ELAVL2: variants seen among roughly 807,000 people sequenced by gnomAD.
The protein encoded by ELAVL2 is ELAV like RNA binding protein 2.
In ELAVL2, 4 loss-of-function variants were observed where a neutral mutation model predicts 34.6. The ratio of observed to expected loss-of-function variants is 0.12; its 90% CI spans 0.06 to 0.26. The LOEUF (loss-of-function observed/expected upper bound fraction) is 0.26. ELAVL2 is among the 10% of genes least tolerant of loss of function. The pLI, the probability that ELAVL2 is intolerant of heterozygous loss-of-function variation, is 1.00. For missense variants in ELAVL2, 432 were observed against 442.8 expected, an observed-to-expected ratio of 0.98 and a Z score of 0.22; for synonymous variants, 193 against 154.8, an observed-to-expected ratio of 1.25 and a Z score of -1.83.
chr9:23,787,460 A>C (rs200636718), intron 1 of ELAVL2, among the ~76,000 whole-genome samples: 14 of 151,756 alleles, frequency 9.2e-5, no homozygotes, highest in South Asian at 8.4e-4. Flanking sequence ...TCGAACTCCT[A>C]ACCTCAGGTG....
At chr9:23,802,540 T>C (rs570524007) in intron 1 of ELAVL2, among the ~76,000 whole-genome samples, 45 of 152,262 alleles carry the variant, frequency 3.0e-4, no homozygotes, top group African/African-American at 1.1e-3. Flanking sequence ...CTCCCTACAA[T>C]ACAGATTCCA....
chr9:23,738,125 T>C (rs567792519), intron 2 of ELAVL2, among the ~76,000 whole-genome samples: 1 of 152,350 alleles, frequency 6.6e-6, no homozygotes, highest in African/African-American at 2.4e-5. Context: ...TCAGACAGGC[T>C]GTGCACTGCA....
At chr9:23,783,593 A>C in intron 1 of ELAVL2, 2 of 696,816 alleles carry the variant, frequency 2.9e-6, no homozygotes, top group Non-Finnish European at 3.5e-6. Context: ...CTCAAATATC[A>C]ACACATTTGA....
chr9:23,739,731 C>T (rs1318539067), intron 2 of ELAVL2, among the ~76,000 whole-genome samples: 1 of 152,000 alleles, frequency 6.6e-6, no homozygotes, highest in Non-Finnish European at 1.5e-5. Flanking sequence ...TCTGCTGTTG[C>T]TTGTGCGACC....
At chr9:23,732,562 A>G (rs955843565) in intron 2 of ELAVL2, among the ~76,000 whole-genome samples, 2 of 152,230 alleles carry the variant, frequency 1.3e-5, no homozygotes, top group African/African-American at 4.8e-5. Context: ...TCAGCTTTTC[A>G]TTAATTCAAA....
intron 1 of ELAVL2, among the ~76,000 whole-genome samples, chr9:23,808,959 T>C (rs1026594052): frequency 6.6e-6 from 1 of 152,122 alleles, no homozygotes; most frequent in African/African-American, 2.4e-5. Flanking sequence ...CTTCGCCAAA[T>C]TTAAGGAAAC....
At chr9:23,783,745 G>A (rs10966081) in intron 1 of ELAVL2, among the ~76,000 whole-genome samples, 23,707 of 151,876 alleles carry the variant, frequency 0.16, 2,345 homozygotes, top group East Asian at 0.35. Context: ...AACACAGGAC[G>A]CAATCTGGTA....
chr9:23,764,949 G>C (rs2055896344), intron 1 of ELAVL2: 1 of 1,511,664 alleles, frequency 6.6e-7, no homozygotes, highest in African/African-American at 1.4e-5. Context: ...TATGGCCTCA[G>C]CACTCCTCCA....
At chr9:23,841,478 C>T in the ELAVL2 span, among the ~76,000 whole-genome samples, 1 of 152,184 alleles carries the variant, frequency 6.6e-6, no homozygotes, top group African/African-American at 2.4e-5. Context: ...AATTGTTATA[C>T]CCTCTCTCTA....
At chr9:23,746,181 C>T (rs2050434017) in intron 2 of ELAVL2, among the ~76,000 whole-genome samples, 1 of 152,178 alleles carries the variant, frequency 6.6e-6, no homozygotes, top group Non-Finnish European at 1.5e-5. Context: ...TGCATACATA[C>T]ATACACACCT....
intron 1 of ELAVL2, among the ~76,000 whole-genome samples, chr9:23,774,211 C>T (rs2057804544): frequency 2.2e-5 from 1 of 44,708 alleles, no homozygotes; most frequent in African/African-American, 1.5e-4. Flanking sequence ...GAGACTCCAT[C>T]TCAAAAAAAA....
chr9:23,754,825 T>C (rs1252640091), intron 2 of ELAVL2, among the ~76,000 whole-genome samples: 4 of 152,162 alleles, frequency 2.6e-5, no homozygotes, highest in African/African-American at 9.7e-5. Flanking sequence ...ATGAGTTCTC[T>C]GCCCTCCCCT....
intron 3 of ELAVL2, among the ~76,000 whole-genome samples, chr9:23,711,116 A>G (rs559914061): frequency 7.9e-5 from 12 of 152,344 alleles, no homozygotes; most frequent in African/African-American, 2.6e-4. Flanking sequence ...TAAGCCTAAG[A>G]TAACAATAAG....
chr9:23,820,425 A>C (rs779867414), intron 1 of ELAVL2, among the ~76,000 whole-genome samples: 11 of 152,192 alleles, frequency 7.2e-5, no homozygotes, highest in African/African-American at 7.2e-5. Context: ...GAGAGTGGAC[A>C]ACTCGTAGCA....
At chr9:23,824,839 G>GA (rs1165641307) in intron 1 of ELAVL2, among the ~76,000 whole-genome samples, 1 of 152,178 alleles carries the variant, frequency 6.6e-6, no homozygotes, top group Admixed American at 6.5e-5. Context: ...GCTATTCGAG[G>GA]AAGTGGGGGC....
chr9:23,844,130 C>A, the ELAVL2 span, among the ~76,000 whole-genome samples: 1 of 152,104 alleles, frequency 6.6e-6, no homozygotes, highest in Non-Finnish European at 1.5e-5. Flanking sequence ...GAATACCACA[C>A]TAAAGTCAAC....
chr9:23,748,018 A>T (rs868306197), intron 2 of ELAVL2, among the ~76,000 whole-genome samples: 2 of 152,144 alleles, frequency 1.3e-5, no homozygotes, highest in Non-Finnish European at 2.9e-5. Flanking sequence ...TTCAACATAC[A>T]TCAGCATCTG....
intron 1 of ELAVL2, among the ~76,000 whole-genome samples, chr9:23,788,411 A>C (rs2059948805): frequency 6.6e-6 from 1 of 152,152 alleles, no homozygotes; most frequent in Non-Finnish European, 1.5e-5. Flanking sequence ...TTTACCAGGC[A>C]CTCAAAAGCC....
intron 1 of ELAVL2, among the ~76,000 whole-genome samples, chr9:23,820,468 G>C (rs1269339918): frequency 1.3e-5 from 2 of 152,196 alleles, no homozygotes; most frequent in Admixed American, 6.5e-5. Flanking sequence ...AAAATGTAGA[G>C]ACGATAGGAC....
Sources: allele counts gnomAD v4.1 joint callset (sites outside exome capture counted in the v4.1 genomes callset), GRCh38; gene constraint gnomAD v4.1.1; transcripts MANE v1.5; gene names NCBI Gene and HGNC (gene_info 2026-07-23, HGNC 2026-07-21).